OPHN1: variants seen among roughly 807,000 people sequenced by gnomAD.
OPHN1 encodes oligophrenin-1.
Under a neutral mutation model 60.7 loss-of-function variants are expected in OPHN1, and 11 were observed. That is an observed-to-expected ratio of 0.18 (90% CI 0.11 to 0.30). The LOEUF (loss-of-function observed/expected upper bound fraction) is 0.30. OPHN1 is among the 10% of genes least tolerant of loss of function. The probability of loss-of-function intolerance (pLI) is 1.00; values close to 1 mark genes in which losing one functional copy is unlikely to be tolerated. For missense variants in OPHN1, 449 were observed against 611.0 expected, an observed-to-expected ratio of 0.73 and a Z score of 2.80; for synonymous variants, 226 against 222.6, an observed-to-expected ratio of 1.02 and a Z score of -0.14.
intron 5 of OPHN1, among the ~76,000 whole-genome samples, chrX:68,254,255 T>C (rs1444603234): frequency 9.0e-6 from 1 of 111,503 alleles, no homozygotes; most frequent in African/African-American, 3.3e-5. Flanking sequence ...CCGTAGGACC[T>C]AGGAGGTGTC....
intron 15 of OPHN1, among the ~76,000 whole-genome samples, chrX:68,173,423 T>C (rs940725708): frequency 9.0e-6 from 1 of 111,657 alleles, no homozygotes; most frequent in Admixed American, 9.6e-5. Context: ...AGTGGCTATC[T>C]TGACAGGAAT....
intron 5 of OPHN1, among the ~76,000 whole-genome samples, chrX:68,269,334 A>G (rs1319453985): frequency 9.0e-6 from 1 of 111,658 alleles, no homozygotes; most frequent in Admixed American, 9.5e-5. Context: ...CTGACTTCAA[A>G]CTATACTACA....
intron 18 of OPHN1, among the ~76,000 whole-genome samples, chrX:68,101,747 A>G (rs776955555): frequency 8.9e-6 from 1 of 112,529 alleles, no homozygotes; most frequent in South Asian, 3.7e-4. Context: ...AGACACTCTC[A>G]GCCCTGCATT....
intron 15 of OPHN1, among the ~76,000 whole-genome samples, chrX:68,187,748 C>T (rs1177437839): frequency 3.6e-5 from 4 of 110,220 alleles, no homozygotes; most frequent in Non-Finnish European, 7.6e-5. Flanking sequence ...CTGCCTCAGC[C>T]TCCCGATTAG....
chrX:68,347,559 C>A (rs937878991), intron 2 of OPHN1, among the ~76,000 whole-genome samples: 3 of 111,126 alleles, frequency 2.7e-5, no homozygotes, highest in Non-Finnish European at 3.8e-5. Context: ...CTCAAGCAAT[C>A]GTCCTGCCTC....
At chrX:68,319,501 C>A (rs750254176) in intron 2 of OPHN1, among the ~76,000 whole-genome samples, 75 of 110,327 alleles carry the variant, frequency 6.8e-4, no homozygotes, top group African/African-American at 2.3e-3. Flanking sequence ...TTTGGGAGGC[C>A]GAGGCAGGTG....
intron 15 of OPHN1, among the ~76,000 whole-genome samples, chrX:68,159,540 A>G (rs1053085085): frequency 2.6e-4 from 29 of 112,283 alleles, no homozygotes; most frequent in African/African-American, 8.7e-4. Context: ...AGTTTTTAAA[A>G]TTATATACTT....
At chrX:68,058,589 C>A (rs1407541295) in intron 21 of OPHN1, among the ~76,000 whole-genome samples, 1 of 111,641 alleles carries the variant, frequency 9.0e-6, no homozygotes, top group Non-Finnish European at 1.9e-5. Context: ...ATGCCATCTA[C>A]ATTTTAGGCT....
At chrX:68,308,653 A>C (rs1456147770) in intron 2 of OPHN1, among the ~76,000 whole-genome samples, 1 of 112,198 alleles carries the variant, frequency 8.9e-6, no homozygotes, top group Non-Finnish European at 1.9e-5. Context: ...CACTTTCTAA[A>C]TGTAGTTATT....
chrX:68,373,529 C>T (rs980397852), intron 2 of OPHN1, among the ~76,000 whole-genome samples: 12 of 111,476 alleles, frequency 1.1e-4, no homozygotes, highest in African/African-American at 3.9e-4. Context: ...CATTTCTTGA[C>T]TACAAGTGGT....
At chrX:68,299,741 C>T (rs1254574184) in intron 2 of OPHN1, among the ~76,000 whole-genome samples, 1 of 111,840 alleles carries the variant, frequency 8.9e-6, no homozygotes, top group East Asian at 2.8e-4. Flanking sequence ...CAAACAAATG[C>T]TTTTATTTTT....
rs146288823 is a variant in OPHN1, at chrX:68,118,425, T to C, written c.1361+823A>G. Among the ~76,000 whole-genome samples, 864 of 111,973 alleles carry C rather than the reference T, an allele frequency of 7.7e-3. 7 individuals are homozygous for C. The highest frequency in any genetic ancestry group is 0.024 in the South Asian group (65 of 2,677). The stretch of plus-strand genomic sequence containing the variant: ...AAGTTTATGGAAAGCTCTAAGATGA[T>C]GCTACAGTAGCAAAATATTTAACAG... On this transcript the variant is annotated intron_variant, in intron 16 of 24. Transcript: ENST00000355520.
rs764191284 is a variant in OPHN1, at chrX:68,170,628, G to A, written c.1276+22291C>T. Among the ~76,000 whole-genome samples, 852 of 109,969 alleles carry A rather than the reference G, an allele frequency of 7.7e-3. 7 individuals carry two copies. The highest frequency in any genetic ancestry group is 0.027 in the African/African-American group (823 of 30,183). On this transcript the variant is annotated intron_variant, in intron 15 of 24. Transcript: ENST00000355520. ...TAAAAAATGTGAGTTCATGTCCTTT[G>A]TAGGGACATGTATGAAATTGGAAAT...
intron 2 of OPHN1, among the ~76,000 whole-genome samples, chrX:68,396,058 G>A (rs911053244): frequency 8.2e-5 from 9 of 109,976 alleles, no homozygotes; most frequent in African/African-American, 1.7e-4. Flanking sequence ...GATTACTGGC[G>A]GTGGAGGCTG....
chrX:68,399,462 C>A (rs1398574744), intron 2 of OPHN1, among the ~76,000 whole-genome samples: 1 of 111,407 alleles, frequency 9.0e-6, no homozygotes. Context: ...ACCAGCCTGG[C>A]CAACATGGCG....
Position 68,266,285 on chromosome X carries a change from C to T in OPHN1, c.384+8453G>A, listed in dbSNP as rs144270750. ...GTTAAGGGCAGCCAGAAAGAAAGGTCGGGTTACCCACAAAGGGAAGTCCCT... is the reference window on the plus strand; with the variant it reads ...GTTAAGGGCAGCCAGAAAGAAAGGTTGGGTTACCCACAAAGGGAAGTCCCT... On this transcript the variant is annotated intron_variant, in intron 5 of 24. Transcript: ENST00000355520. Among the ~76,000 whole-genome samples, 364 of 111,546 alleles carry T rather than the reference C, an allele frequency of 3.3e-3. 2 individuals carry two copies. Among genetic ancestry groups the T allele is most frequent in the African/African-American group, 0.011 (346 of 30,658 alleles).
intron 2 of OPHN1, among the ~76,000 whole-genome samples, chrX:68,373,344 A>G (rs1028457709): frequency 3.6e-5 from 4 of 112,379 alleles, no homozygotes; most frequent in African/African-American, 1.3e-4. Context: ...TTCCTTCTGT[A>G]AGAGGGAGCC....
intron 15 of OPHN1, among the ~76,000 whole-genome samples, chrX:68,132,709 A>T (rs1437765524): frequency 1.6e-4 from 16 of 103,016 alleles, no homozygotes; most frequent in Admixed American, 4.3e-4. Context: ...TTAAAAAAAA[A>T]TAATAATAAA....
At chrX:68,274,673 A>T (rs1569266175) in intron 5 of OPHN1, 65 bp downstream of exon 5, 1 of 762,520 alleles carries the variant, frequency 1.3e-6, no homozygotes, top group Non-Finnish European at 2.0e-6. Flanking sequence ...AAAGTGAAGA[A>T]TAGTAGCCCA....
Sources: allele counts gnomAD v4.1 joint callset (sites outside exome capture counted in the v4.1 genomes callset), GRCh38; gene constraint gnomAD v4.1.1; transcripts MANE v1.5; gene names NCBI Gene and HGNC (gene_info 2026-07-23, HGNC 2026-07-21).